RNLS: variants seen among roughly 807,000 people sequenced by gnomAD.
RNLS encodes the protein renalase.
RNLS carries 39 observed loss-of-function variants against 39.8 expected under a neutral mutation model. The ratio of observed to expected loss-of-function variants is 0.98; its 90% CI spans 0.76 to 1.28. The LOEUF (loss-of-function observed/expected upper bound fraction) is 1.28, where lower values mean the gene tolerates loss of function less well. Among genes scored for constraint, RNLS ranks in the 50% most tolerant of loss-of-function variants. RNLS has a pLI of 0.00. For missense variants in RNLS, 410 were observed against 413.3 expected (o/e 0.99, Z 0.07); for synonymous variants, 147 against 150.7 (o/e 0.98, Z 0.18).
At chr10:88,461,963 T>G (rs1315347871) in intron 4 of RNLS, among the ~76,000 whole-genome samples, 3 of 152,126 alleles carry the variant, frequency 2.0e-5, no homozygotes, top group Non-Finnish European at 2.9e-5. Flanking sequence ...TATCTAATTA[T>G]AATGCTTAGA....
At chr10:88,276,035 C>T (rs1842801388) in intron 6 of RNLS, among the ~76,000 whole-genome samples, 1 of 152,116 alleles carries the variant, frequency 6.6e-6, no homozygotes, top group Admixed American at 6.5e-5. Context: ...GCTTAGGTGA[C>T]AGAGCAAGAC....
At chr10:88,281,777 A>C (rs973622640), downstream of RNLS, among the ~76,000 whole-genome samples, 3 of 152,108 alleles carry the variant, frequency 2.0e-5, no homozygotes, top group Admixed American at 6.6e-5. Flanking sequence ...GCCACAACAA[A>C]ACCCTGATAT....
At chr10:88,260,159 C>A in the RNLS span, among the ~76,000 whole-genome samples, 10 of 152,106 alleles carry the variant, frequency 6.6e-5, no homozygotes, top group Non-Finnish European at 2.9e-5. Context: ...GTGACCAATC[C>A]CCCTCATAAT....
chr10:88,369,067 G>A (rs1233273895), intron 4 of RNLS, among the ~76,000 whole-genome samples: 1 of 152,014 alleles, frequency 6.6e-6, no homozygotes, highest in Non-Finnish European at 1.5e-5. Flanking sequence ...TGGTCTATTA[G>A]ATTCTTCATG....
chr10:88,559,645 G>A lies in RNLS; in HGVS notation c.526+13258C>T, dbSNP rs140795469. On this transcript the variant is annotated intron_variant, in intron 4 of 6. Coordinates refer to ENST00000331772, the MANE Select transcript of RNLS (RefSeq NM_001031709.3). ...TTTCCCACTGAATGTCCTCCAAGAC[G>A]TTTTCAGATTGTTTCACTCATTCAT... Among the ~76,000 whole-genome samples the A allele has an allele frequency of 1.9e-3, 217 of 114,878 alleles. 1 individual carries two copies. The highest frequency in any genetic ancestry group is 5.6e-3 in the African/African-American group (162 of 29,120). The allele number at this position is 114,878 out of a possible 152,430, so 75.4% of individuals were successfully genotyped here. A position where few individuals can be genotyped will look rare whatever the true frequency, so the allele number is the denominator to read the frequency against.
chr10:88,430,344 G>T (rs987442753), intron 4 of RNLS, among the ~76,000 whole-genome samples: 12 of 151,668 alleles, frequency 7.9e-5, no homozygotes, highest in African/African-American at 2.4e-4. Flanking sequence ...TATTTCTCTA[G>T]TAGATAGCAG....
rs568307306 is a variant in RNLS, at chr10:88,581,522, T to C, written c.367+45A>G. The stretch of plus-strand genomic sequence containing the variant: ...TGTAACTATGTGTGTAACTTGTTTT[T>C]AAATGCTAATTTTAAAATTTAGGCA... On this transcript the variant is annotated intron_variant, in intron 3 of 6. Coordinates refer to ENST00000331772, the MANE Select transcript of RNLS (RefSeq NM_001031709.3). 7 of 1,537,740 alleles carry C rather than the reference T, an allele frequency of 4.6e-6. No individual in the cohort carries two copies. In the African/African-American group the frequency reaches 7.0e-5, roughly 15 times the overall value.
At chr10:88,436,551 T>C (rs1051363786) in intron 4 of RNLS, among the ~76,000 whole-genome samples, 10 of 152,154 alleles carry the variant, frequency 6.6e-5, no homozygotes, top group African/African-American at 2.4e-4. Flanking sequence ...AATATGTATA[T>C]TGGGAGCAAT....
At chr10:88,573,739 C>T (rs1203814287) in intron 3 of RNLS, among the ~76,000 whole-genome samples, 1 of 152,102 alleles carries the variant, frequency 6.6e-6, no homozygotes. Flanking sequence ...ATTGTCTTCC[C>T]TTTTAATCTG....
At chr10:88,534,457 T>C (rs1347557075) in intron 4 of RNLS, among the ~76,000 whole-genome samples, 1 of 152,126 alleles carries the variant, frequency 6.6e-6, no homozygotes, top group Non-Finnish European at 1.5e-5. Context: ...AATAAAAAAT[T>C]ATTCTTCAAT....
chr10:88,544,556 A>G (rs34393743), intron 4 of RNLS, among the ~76,000 whole-genome samples: 3,010 of 152,322 alleles, frequency 0.02, 46 homozygotes, highest in Middle Eastern at 0.034. Flanking sequence ...TATCAAACTA[A>G]AAGTTTTGAC....
At chr10:88,371,177 T>G (rs1034170502) in intron 4 of RNLS, among the ~76,000 whole-genome samples, 2 of 151,814 alleles carry the variant, frequency 1.3e-5, no homozygotes, top group African/African-American at 4.8e-5. Flanking sequence ...GCCTTAAAGA[T>G]TGTTAAAAAA....
In RNLS at chr10:88,369,176, T is replaced by C. The variant is rs527463716; in HGVS notation, c.527-6451A>G. The stretch of plus-strand genomic sequence containing the variant: ...TTACTTTTTAGTATTGCATATATTA[T>C]AATATTTACATGGATAATCAGTTTC... On this transcript the variant is annotated intron_variant, in intron 4 of 6. Coordinates refer to ENST00000331772, the MANE Select transcript of RNLS (RefSeq NM_001031709.3). 2.0e-5 allele frequency among the ~76,000 whole-genome samples: 3 copies of C among 152,184 alleles called. No homozygotes were observed. In the South Asian group the frequency reaches 6.2e-4, roughly 32 times the overall value.
chr10:88,416,798 C>T (rs1453995924), intron 4 of RNLS, among the ~76,000 whole-genome samples: 8 of 152,120 alleles, frequency 5.3e-5, no homozygotes, highest in African/African-American at 1.7e-4. Context: ...TTACAAATAT[C>T]CTATTGTCTT....
chr10:88,303,855 C>A (rs1446012113), intron 6 of RNLS, among the ~76,000 whole-genome samples: 1 of 152,214 alleles, frequency 6.6e-6, no homozygotes, highest in Non-Finnish European at 1.5e-5. Flanking sequence ...CAGGCCAAGA[C>A]CACTTCCAGT....
intron 6 of RNLS, among the ~76,000 whole-genome samples, chr10:88,296,748 T>C (rs370675781): frequency 6.6e-6 from 1 of 152,278 alleles, no homozygotes; most frequent in East Asian, 1.9e-4. Flanking sequence ...TATACAGTTG[T>C]GTAACAGCCA....
chr10:88,317,422 C>T (rs1845841338), intron 5 of RNLS, among the ~76,000 whole-genome samples: 1 of 152,170 alleles, frequency 6.6e-6, no homozygotes, highest in Admixed American at 6.5e-5. Context: ...TCCACCTCTC[C>T]ACTGTTGAAA....
chr10:88,397,635 C>G (rs1334361584), intron 4 of RNLS, among the ~76,000 whole-genome samples: 1 of 151,582 alleles, frequency 6.6e-6, no homozygotes, highest in Non-Finnish European at 1.5e-5. Context: ...TACAGATAAA[C>G]AAAATAGAGA....
intron 4 of RNLS, among the ~76,000 whole-genome samples, chr10:88,411,556 G>C (rs1220593411): frequency 2.1e-5 from 3 of 144,458 alleles, no homozygotes; most frequent in Non-Finnish European, 4.5e-5. Context: ...ATTCTGTTTT[G>C]TATGCCAAAG....
Sources: gnomAD v4.1 joint callset for allele counts (sites outside exome capture counted in the v4.1 genomes callset) on GRCh38, gnomAD v4.1.1 for gene constraint, MANE v1.5 for transcripts, NCBI Gene and HGNC (gene_info 2026-07-23, HGNC 2026-07-21) for gene names.